TPD52L1: variants seen among roughly 807,000 people sequenced by gnomAD.
TPD52L1 encodes tumor protein D53.
Under a neutral mutation model 28.7 loss-of-function variants are expected in TPD52L1, and 18 were observed. The observed-to-expected ratio is 0.63, with a 90% CI of 0.43 to 0.93. TPD52L1 has a LOEUF of 0.93. TPD52L1 is among the 40% of genes least tolerant of loss of function. The pLI, the probability that TPD52L1 is intolerant of heterozygous loss-of-function variation, is 0.00. For synonymous variants in TPD52L1, 75 were observed against 88.8 expected (o/e 0.84, Z 0.88); for missense variants, 203 against 254.8 (o/e 0.80, Z 1.39).
intron 1 of TPD52L1, among the ~76,000 whole-genome samples, chr6:125,190,751 A>G (rs113777967): frequency 0.014 from 2,074 of 152,160 alleles, 49 homozygotes; most frequent in African/African-American, 0.047. Context: ...TGCAGTTTAC[A>G]ATAGGGTTCG....
intron 1 of TPD52L1, among the ~76,000 whole-genome samples, chr6:125,159,215 T>G (rs1162817615): frequency 6.6e-6 from 1 of 152,252 alleles, no homozygotes; most frequent in Non-Finnish European, 1.5e-5. Flanking sequence ...CTTTCAATAT[T>G]GGAATCAATC....
chr6:125,233,599 C>G (rs80148231), intron 3 of TPD52L1, among the ~76,000 whole-genome samples: 1,612 of 152,134 alleles, frequency 0.011, 29 homozygotes, highest in African/African-American at 0.037. Context: ...ATTTAGGGAG[C>G]CTTTGGAATA....
At position 125,262,863 on chromosome 6, in the gene TPD52L1, A is replaced by T. The variant is rs1798138305; in HGVS notation, c.516A>T (p.Gly172=). ...AAGTAGGCGGTACGAACCCTAATGG[A>T]GGCAGTTTTGAGGAGGTCCTCAGCT... is the stretch of plus-strand genomic sequence containing the variant. ...KTKVGGTNPN[G]GSFEEVLSST... The change falls in exon 7 of 7, where the codon GGA becomes GGT. Residue 172 remains glycine, a synonymous_variant. Transcript: ENST00000534000. 6.8e-6 allele frequency: 11 copies of T among 1,614,208 alleles called. No individual in the cohort carries two copies. Among genetic ancestry groups the T allele is most frequent in the Non-Finnish European group, 8.5e-6 (10 of 1,180,028 alleles).
intron 4 of TPD52L1, among the ~76,000 whole-genome samples, chr6:125,249,031 C>T (rs1397610432): frequency 2.6e-5 from 4 of 151,540 alleles, no homozygotes; most frequent in African/African-American, 9.7e-5. Flanking sequence ...TAAGGGTGAC[C>T]ATCAAGGTTG....
intron 1 of TPD52L1, among the ~76,000 whole-genome samples, chr6:125,162,461 T>C (rs1433089783): frequency 6.6e-6 from 1 of 152,206 alleles, no homozygotes; most frequent in East Asian, 1.9e-4. Context: ...TAGTAATTTA[T>C]AGTAAATAAT....
intron 1 of TPD52L1, among the ~76,000 whole-genome samples, chr6:125,200,501 T>G (rs1434640848): frequency 6.6e-6 from 1 of 152,222 alleles, no homozygotes; most frequent in Non-Finnish European, 1.5e-5. Flanking sequence ...GTTATATACG[T>G]GCTTATTGTA....
At chr6:125,180,701 C>T (rs1792135504) in intron 1 of TPD52L1, among the ~76,000 whole-genome samples, 1 of 152,072 alleles carries the variant, frequency 6.6e-6, no homozygotes, top group Non-Finnish European at 1.5e-5. Flanking sequence ...CAATGGAAAA[C>T]ATGAAGGAGA....
chr6:125,217,644 T>C (rs555601903), intron 1 of TPD52L1, among the ~76,000 whole-genome samples: 1 of 152,264 alleles, frequency 6.6e-6, no homozygotes, highest in Non-Finnish European at 1.5e-5. Flanking sequence ...TCCTAACAGG[T>C]AACAGACCGG....
intron 2 of TPD52L1, among the ~76,000 whole-genome samples, chr6:125,220,755 G>A (rs1211947911): frequency 3.9e-5 from 6 of 152,158 alleles, no homozygotes; most frequent in Admixed American, 6.5e-5. Flanking sequence ...GTGGGGATCC[G>A]GACCTAGGGA....
intron 1 of TPD52L1, among the ~76,000 whole-genome samples, chr6:125,181,559 C>G (rs1245532688): frequency 6.6e-6 from 1 of 152,178 alleles, no homozygotes; most frequent in African/African-American, 2.4e-5. Flanking sequence ...GTGTTTTACA[C>G]GAGTACTGAG....
intron 1 of TPD52L1, among the ~76,000 whole-genome samples, chr6:125,208,443 AAGAAGGATGGATAGTTCCC>A (rs1168630787): frequency 6.6e-6 from 1 of 152,230 alleles, no homozygotes; most frequent in Non-Finnish European, 1.5e-5. Flanking sequence ...CTCTTCCTAT[AAGAAGGATGGATAGTTCCC>A]AGAAGGGATT....
chr6:125,179,745 C>T (rs1792063195), intron 1 of TPD52L1, among the ~76,000 whole-genome samples: 1 of 152,102 alleles, frequency 6.6e-6, no homozygotes, highest in Non-Finnish European at 1.5e-5. Flanking sequence ...ATAGAACTAA[C>T]TAAATTCTTT....
chr6:125,187,283 A>C (rs1044335922), intron 1 of TPD52L1, among the ~76,000 whole-genome samples: 2 of 152,212 alleles, frequency 1.3e-5, no homozygotes, highest in African/African-American at 4.8e-5. Flanking sequence ...AAAGTATGAT[A>C]ATTCCAATTG....
chr6:125,242,480 G>A (rs950106024), intron 3 of TPD52L1, among the ~76,000 whole-genome samples: 5 of 151,852 alleles, frequency 3.3e-5, no homozygotes, highest in South Asian at 2.1e-4. Flanking sequence ...TCCAGTATTC[G>A]GTGCATATGT....
At chr6:125,175,603 G>C (rs1030991467) in intron 1 of TPD52L1, among the ~76,000 whole-genome samples, 3 of 152,134 alleles carry the variant, frequency 2.0e-5, no homozygotes, top group African/African-American at 7.2e-5. Context: ...CACAAAGAGT[G>C]AGCTCCAGAA....
At chr6:125,190,611 T>A (rs1201903383) in intron 1 of TPD52L1, among the ~76,000 whole-genome samples, 1 of 152,156 alleles carries the variant, frequency 6.6e-6, no homozygotes, top group Non-Finnish European at 1.5e-5. Context: ...CCACTTACCC[T>A]AATGTAGTCA....
chr6:125,190,385 C>G (rs555504788), intron 1 of TPD52L1, among the ~76,000 whole-genome samples: 1 of 151,964 alleles, frequency 6.6e-6, no homozygotes, highest in African/African-American at 2.4e-5. Context: ...AAACTGATAA[C>G]GGGAACCCAT....
chr6:125,264,130 T>G lies in TPD52L1; in HGVS notation c.*1168T>G, dbSNP rs1798200833. On this transcript the variant is annotated 3_prime_UTR_variant, in exon 7 of 7. Transcript: ENST00000534000. The stretch of plus-strand genomic sequence containing the variant: ...CTGGTATTTATCAATCCACTCAGAT[T>G]TCTGCACTAACTTTTATCTTATATA... 1 of 152,220 alleles carries G rather than the reference T, an allele frequency of 6.6e-6. No homozygotes were observed. The highest frequency in any genetic ancestry group is 1.5e-5 in the Non-Finnish European group (1 of 68,038). 9.4% of individuals were successfully genotyped at this position (152,220 alleles called of 1,614,324 possible). A position where few individuals can be genotyped will look rare whatever the true frequency, so the allele number is the denominator to read the frequency against.
chr6:125,155,526 C>T (rs1043044988), intron 1 of TPD52L1, among the ~76,000 whole-genome samples: 3 of 152,226 alleles, frequency 2.0e-5, no homozygotes, highest in African/African-American at 4.8e-5. Flanking sequence ...ATTTACTTAA[C>T]AAATATTTCA....
Sources: gnomAD v4.1 joint callset for allele counts (sites outside exome capture counted in the v4.1 genomes callset) on GRCh38, gnomAD v4.1.1 for gene constraint, MANE v1.5 for transcripts, NCBI Gene and HGNC (gene_info 2026-07-23, HGNC 2026-07-21) for gene names.